The following TNC variants were observed in gnomAD, a reference collection of about 807,000 sequenced individuals.
TNC encodes tenascin C, also known as tenascin.
TNC carries 109 observed loss-of-function variants against 202.4 expected under a neutral mutation model. The observed-to-expected ratio is 0.54, with a 90% CI of 0.46 to 0.63. TNC has a LOEUF of 0.63. TNC is among the 30% of genes least tolerant of loss of function. The pLI, the probability that TNC is intolerant of heterozygous loss-of-function variation, is 0.00. For missense variants in TNC, 2,756 were observed against 2,833.3 expected (o/e 0.97, Z 0.62); for synonymous variants, 1,007 against 1,089.7 (o/e 0.92, Z 1.50).
chr9:115,031,672 C>A lies in TNC; in HGVS notation c.5801G>T (p.Gly1934Val), dbSNP rs533905136. 6.2e-7 allele frequency: 1 copy of A among 1,609,712 alleles called. No homozygotes were observed. The highest frequency in any genetic ancestry group is 2.2e-5 in the East Asian group (1 of 44,568). ...CAGGCTGTAGGAGGTGGTATCTGGACCCACAATGACTTCCTAAGAGCAGAA... is the reference window on the plus strand; with the variant it reads ...CAGGCTGTAGGAGGTGGTATCTGGAACCACAATGACTTCCTAAGAGCAGAA... ...VDGTVKEVIV[G>V]PDTTSYSLAD... The change falls in exon 23 of 28, where the codon GGT (glycine) becomes GTT (valine). Residue 1934 changes from glycine (G) to valine (V), a missense_variant. Physicochemically the swap from Gly to Val is moderately radical, Grantham distance 109 (BLOSUM62 -3). This residue lies in a region of TNC where 2,559 missense variants were observed against 2,546.0 expected (regional missense o/e 1.01). Coordinates refer to ENST00000350763, the MANE Select transcript of TNC (RefSeq NM_002160.4).
intron 1 of TNC, among the ~76,000 whole-genome samples, 200 bp downstream of exon 1, chr9:115,117,782 G>A (rs147836800): frequency 3.0e-4 from 46 of 152,090 alleles, no homozygotes; most frequent in African/African-American, 1.0e-3. Context: ...TATTCATAAA[G>A]TTAAAACAAA....
chr9:115,021,328 T>C, intron 27 of TNC, 61 bp from the exon 28 acceptor site: 1 of 1,188,706 alleles, frequency 8.4e-7, no homozygotes, highest in Non-Finnish European at 1.2e-6. Flanking sequence ...TTGGTTACTG[T>C]TAGGCGAGGT....
intron 22 of TNC, among the ~76,000 whole-genome samples, chr9:115,034,855 A>G (rs912461153): frequency 8.5e-5 from 13 of 152,242 alleles, no homozygotes; most frequent in Non-Finnish European, 1.8e-4. Flanking sequence ...TATAATATAA[A>G]GATACCATCT....
chr9:115,076,111 C>T lies in TNC; in HGVS notation c.2871G>A (p.Pro957=), dbSNP rs369296365. 43 of 1,613,834 alleles carry T rather than the reference C, an allele frequency of 2.7e-5. No individual in the cohort carries two copies. The highest frequency in any genetic ancestry group is 8.3e-5 in the Admixed American group (5 of 59,994). ...TTKTTLTGLR[P]GTEYGIGVSA... ...AAACTCCAATCCCATATTCAGTTCC[C>T]GGCCTCAGACCTAAGGAGAGAATGT... The change falls in exon 9 of 28, where the codon CCG becomes CCA. Residue 957 remains proline (P), a synonymous_variant. Transcript: ENST00000350763.
chr9:115,110,436 G>A (rs181770752), intron 1 of TNC, among the ~76,000 whole-genome samples: 14 of 147,850 alleles, frequency 9.5e-5, no homozygotes, highest in South Asian at 2.1e-4. Context: ...GGGCCAGTGG[G>A]AAAGCTGTTG....
At chr9:115,062,539 T>C (rs2132594398) in intron 13 of TNC, among the ~76,000 whole-genome samples, 1 of 150,640 alleles carries the variant, frequency 6.6e-6, no homozygotes, top group Non-Finnish European at 1.5e-5. Context: ...AGTCTAGGAG[T>C]TCGAGGCTGC....
rs1255375683 is a variant in TNC, at chr9:115,024,030, G to A, written c.6438C>T (p.Tyr2146=). ...CALSYKGAFW[Y]RNCHRVNLMG... ...TCAGGTTGACACGGTGACAGTTCCT[G>A]TACCAGAAAGCCCCTTTGTAGGACA... Residue 2146 remains tyrosine, a synonymous_variant, in exon 27 of 28, where the codon TAC becomes TAT. Transcript: ENST00000350763. The A allele has an allele frequency of 4.3e-6, 7 of 1,614,024 alleles. No homozygotes were observed. Among genetic ancestry groups the A allele is most frequent in the East Asian group, 4.5e-5 (2 of 44,904 alleles).
chr9:115,035,914 G>A lies in TNC; in HGVS notation c.5656+184C>T, dbSNP rs890067748. On this transcript the variant is annotated intron_variant, in intron 21 of 27. Transcript: ENST00000350763. ...AGACCAAGGTCATTTCAGTTCAAAA[G>A]GAAATAGTGTGTTTCTTCAGGCCTT... 13 of 663,650 alleles carry A rather than the reference G, an allele frequency of 2.0e-5. No individual in the cohort carries two copies. In the African/African-American group the frequency reaches 2.1e-4, roughly 11 times the overall value. The allele number at this position is 663,650 out of a possible 1,614,324, so 41.1% of individuals were successfully genotyped here.
chr9:115,081,972 G>A (rs1420396725), intron 5 of TNC, 44 bp from the exon 6 acceptor site: 4 of 1,531,444 alleles, frequency 2.6e-6, no homozygotes, highest in Non-Finnish European at 3.5e-6. Context: ...GGAGGTGCCA[G>A]TCTCTTAATT....
At chr9:115,083,796 G>T (rs1269119581) in intron 4 of TNC, among the ~76,000 whole-genome samples, 1 of 152,148 alleles carries the variant, frequency 6.6e-6, no homozygotes, top group African/African-American at 2.4e-5. Context: ...GTAGAGACAG[G>T]GTTTCGCCAT....
At position 115,029,259 on chromosome 9, in the gene TNC, T is replaced by G. The variant is rs1445088412; in HGVS notation, c.6169+101A>C. The G allele has an allele frequency of 6.1e-6, 6 of 984,290 alleles. No homozygotes were observed. In the African/African-American group the frequency reaches 6.5e-5, roughly 11 times the overall value. The allele number at this position is 984,290 out of a possible 1,614,324, so 61.0% of individuals were successfully genotyped here. A position where few individuals can be genotyped will look rare whatever the true frequency, so the allele number is the denominator to read the frequency against. On this transcript the variant is annotated intron_variant, in intron 25 of 27. Coordinates refer to ENST00000350763, the MANE Select transcript of TNC (RefSeq NM_002160.4). The stretch of plus-strand genomic sequence containing the variant: ...TGTCTGCCACCAGAAGTAGTTCTTC[T>G]TCCTCATCTCTTTCTCTCCCATAGG...
At position 115,086,594 on chromosome 9, in the gene TNC, A is replaced by T; in HGVS notation, c.1137T>A (p.Ala379=). ...CACAGCGGCCACGATTGTGACAGTCAGCAGGACACCTCTTCTCGCTGCAGT... is the reference window on the plus strand; with the variant it reads ...CACAGCGGCCACGATTGTGACAGTCTGCAGGACACCTCTTCTCGCTGCAGT... ...GVDCSEKRCP[A]DCHNRGRCVD... is the part of the protein sequence containing the mutation. Residue 379 remains alanine (A), a synonymous_variant, in exon 3 of 28, where the codon GCT becomes GCA. Coordinates refer to ENST00000350763, the MANE Select transcript of TNC (RefSeq NM_002160.4). 1 of 1,614,178 alleles carries T rather than the reference A, an allele frequency of 6.2e-7. No individual in the cohort carries two copies. Among genetic ancestry groups the T allele is most frequent in the African/African-American group, 1.3e-5 (1 of 75,056 alleles).
At chr9:115,063,675 A>G in intron 12 of TNC, 121 bp downstream of exon 12, 1 of 1,088,582 alleles carries the variant, frequency 9.2e-7, no homozygotes, top group Non-Finnish European at 1.3e-6. Flanking sequence ...AGCAGAGATG[A>G]TTCACTGGTA....
chr9:115,046,351 T>G, intron 17 of TNC, 59 bp downstream of exon 17: 4 of 1,583,382 alleles, frequency 2.5e-6, no homozygotes, highest in African/African-American at 1.4e-5. Context: ...CTCAGCCCTG[T>G]GAGAAGAAGA....
chr9:115,093,765 A>T (rs1250020), intron 1 of TNC, among the ~76,000 whole-genome samples: 148,486 of 152,274 alleles, frequency 0.98, 72,518 homozygotes, highest in East Asian at 1. Context: ...TCCAAGGCAA[A>T]GAGTTTAGGG....
At position 115,087,240 on chromosome 9, in the gene TNC, C is replaced by G. The variant is rs763996904; in HGVS notation, c.491G>C (p.Arg164Pro). 1 of 1,614,132 alleles carries G rather than the reference C, an allele frequency of 6.2e-7. No homozygotes were observed. Among genetic ancestry groups the G allele is most frequent in the Non-Finnish European group, 8.5e-7 (1 of 1,180,004 alleles). Residue 164 changes from arginine (R) to proline (P), a missense_variant, in exon 3 of 28, where the codon CGG becomes CCG. By Grantham distance (103) the Arg-to-Pro change is moderately radical. Coordinates refer to ENST00000350763, the MANE Select transcript of TNC (RefSeq NM_002160.4). Reference sequence around the variant, plus strand: ...ACATCCTTCAGTGCTGAAGTTGCCCCGACCGCTACAGAAGGGCCTGGTGTC... The same window carrying G: ...ACATCCTTCAGTGCTGAAGTTGCCCGGACCGCTACAGAAGGGCCTGGTGTC... Reference protein sequence around the residue: ...RLDTRPFCSGRGNFSTEGCGC... With the variant: ...RLDTRPFCSGPGNFSTEGCGC...
At chr9:115,045,061 C>A (rs1348337289) in intron 17 of TNC, among the ~76,000 whole-genome samples, 1 of 152,142 alleles carries the variant, frequency 6.6e-6, no homozygotes, top group African/African-American at 2.4e-5. Context: ...GGGCTTTACT[C>A]CAAATCTAGC....
chr9:115,082,854 G>T, intron 4 of TNC, 47 bp from the exon 5 acceptor site: 1 of 1,378,858 alleles, frequency 7.3e-7, no homozygotes, highest in Non-Finnish European at 1.0e-6. Context: ...GCAGGTGTGT[G>T]ATTGGGCAAC....
rs754430990 is a variant in TNC at position 115,086,121 on chromosome 9, T to C, written c.1610A>G (p.His537Arg). ...CCCATTCACACAGCGACCCTGGCCA[T>C]GGCAGTCATTTGGACAGGAGAGTTC... ...CAELSCPNDCHGQGRCVNGQC... is the reference protein window; with the variant it reads ...CAELSCPNDCRGQGRCVNGQC... Residue 537 changes from histidine to arginine, a missense_variant, in exon 3 of 28, where the codon CAT (histidine) becomes CGT (arginine). Coordinates refer to ENST00000350763, the MANE Select transcript of TNC (RefSeq NM_002160.4). 15 of 1,613,820 alleles carry C rather than the reference T, an allele frequency of 9.3e-6. No homozygotes were observed. In the East Asian group the frequency reaches 3.3e-4, roughly 36 times the overall value.
Sources: gnomAD v4.1 joint callset for allele counts (sites outside exome capture counted in the v4.1 genomes callset) on GRCh38, gnomAD v4.1.1 for gene constraint, gnomAD v4.1.1 regional missense constraint, MANE v1.5 for transcripts, NCBI Gene and HGNC (gene_info 2026-07-23, HGNC 2026-07-21) for gene names.